Variants in MANEA observed in about 807,000 individuals in gnomAD.
MANEA encodes mannosidase endo-alpha.
A neutral mutation model predicts 36.8 loss-of-function variants in MANEA; 25 were observed. That is an observed-to-expected ratio of 0.68 (90% CI 0.50 to 0.95). The LOEUF is 0.95. Ranked by LOEUF, MANEA falls within the 40% of genes least tolerant of loss-of-function variation. MANEA has a pLI of 0.00. For missense variants in MANEA, 565 were observed against 558.8 expected, an observed-to-expected ratio of 1.01 and a Z score of -0.11; for synonymous variants, 198 against 188.5, an observed-to-expected ratio of 1.05 and a Z score of -0.41.
Position 95,605,977 on chromosome 6 carries a change from T to G in MANEA, c.961T>G (p.Tyr321Asp), listed in dbSNP as rs1200764886. ...DILQSGFDGI[Y>D]TYFATNGFTY... ...TCTTCAAAGTGGTTTTGATGGAATT[T>G]ACACATATTTTGCCACAAATGGCTT... The change falls in exon 5 of 5, where the codon TAC (tyrosine) becomes GAC (aspartate). Residue 321 changes from tyrosine (Y) to aspartate (D), a missense_variant. Coordinates refer to ENST00000358812, the MANE Select transcript of MANEA (RefSeq NM_024641.4). The G allele has an allele frequency of 1.2e-6, 2 of 1,613,940 alleles. No homozygotes were observed. The highest frequency in any genetic ancestry group is 1.3e-5 in the African/African-American group (1 of 74,908).
In MANEA at chr6:95,606,162, T is replaced by G. The variant is rs1453658407; in HGVS notation, c.1146T>G (p.Tyr382Ter). Residue 382 changes from tyrosine to a stop codon, truncating the protein, a stop_gained, in exon 5 of 5, where the codon TAT (tyrosine) becomes TAG (stop). Transcript: ENST00000358812. LOFTEE classifies it high-confidence loss of function. ...GGAACCGAATCAATGGGAAGTATTA[T>G]GAAATTGGTCTGAGTGCCGCACTTC... ...NTRNRINGKY[Y>*]EIGLSAALQT... The G allele has an allele frequency of 6.2e-7, 1 of 1,614,122 alleles. No individual in the cohort carries two copies. Among genetic ancestry groups the G allele is most frequent in the Admixed American group, 1.7e-5 (1 of 60,016 alleles).
intron 2 of MANEA, among the ~76,000 whole-genome samples, chr6:95,591,974 T>C (rs936675142): frequency 1.1e-4 from 17 of 152,332 alleles, no homozygotes; most frequent in Non-Finnish European, 2.4e-4. Flanking sequence ...AGTGCTAGGA[T>C]TACAGGCGTC....
rs368909913 is a variant in MANEA at position 95,585,350 on chromosome 6, C to T, written c.-38-1052C>T. 1.2e-4 allele frequency among the ~76,000 whole-genome samples: 19 copies of T among 152,306 alleles called. No individual in the cohort carries two copies. The South Asian group carries it at 2.3e-3, about 18-fold the overall frequency. On this transcript the variant is annotated intron_variant, in intron 1 of 4. Coordinates refer to ENST00000358812, the MANE Select transcript of MANEA (RefSeq NM_024641.4). Reference sequence around the variant, plus strand: ...TTGGAGACGTTTTCTTGCACTGTCACCCAGGCTGGAGTGCAGTGGCACAAT... The same window carrying T: ...TTGGAGACGTTTTCTTGCACTGTCATCCAGGCTGGAGTGCAGTGGCACAAT...
intron 2 of MANEA, among the ~76,000 whole-genome samples, chr6:95,596,182 G>C (rs1307319698): frequency 6.6e-6 from 1 of 152,048 alleles, no homozygotes; most frequent in East Asian, 1.9e-4. Flanking sequence ...GCAGGGGTGA[G>C]GGGGAGAGGG....
intron 2 of MANEA, among the ~76,000 whole-genome samples, chr6:95,591,992 G>A (rs1041980456): frequency 9.9e-5 from 15 of 152,248 alleles, no homozygotes; most frequent in Non-Finnish European, 1.6e-4. Flanking sequence ...GTCAGCCACC[G>A]TGTCCAGCCT....
chr6:95,577,945 T>C (rs1769101790), intron 1 of MANEA, among the ~76,000 whole-genome samples: 1 of 152,220 alleles, frequency 6.6e-6, no homozygotes, highest in Non-Finnish European at 1.5e-5. Context: ...TTTGAAACGG[T>C]ACCTCCTGTC....
At chr6:95,589,581 A>G (rs1278800714) in intron 2 of MANEA, among the ~76,000 whole-genome samples, 1 of 152,170 alleles carries the variant, frequency 6.6e-6, no homozygotes, top group South Asian at 2.1e-4. Flanking sequence ...TGTATCAGAT[A>G]TATTACAATG....
At chr6:95,604,056 A>AGGGGTGTGTG (rs1318756717) in intron 3 of MANEA, among the ~76,000 whole-genome samples, 2 of 58,600 alleles carry the variant, frequency 3.4e-5, no homozygotes, top group African/African-American at 1.1e-4. Context: ...GTATATATGT[A>AGGGGTGTGTG]TGTAGGTGTG....
At chr6:95,578,620 C>T (rs935313962) in intron 1 of MANEA, among the ~76,000 whole-genome samples, 2 of 152,050 alleles carry the variant, frequency 1.3e-5, no homozygotes, top group Non-Finnish European at 2.9e-5. Flanking sequence ...TGTGGATTTT[C>T]AGGCTCAATG....
intron 2 of MANEA, among the ~76,000 whole-genome samples, chr6:95,588,857 T>C (rs1769334402): frequency 6.6e-6 from 1 of 151,084 alleles, no homozygotes; most frequent in South Asian, 2.1e-4. Context: ...TGTTACACTA[T>C]TTTTGGTATA....
rs546360990 is a variant in MANEA at position 95,604,839 on chromosome 6, A to T, written c.667A>T (p.Ile223Leu). 2.7e-6 allele frequency: 4 copies of T among 1,458,254 alleles called. No homozygotes were observed. In the South Asian group the frequency reaches 5.6e-5, roughly 20 times the overall value. 90.3% of individuals were successfully genotyped at this position (1,458,254 alleles called of 1,614,324 possible). ...TTGTTTGTTTTAGGTTACTTTTCAC[A>T]TAGAACCATATAGCAATCGAGATGA... ...HKYNLKVTFHIEPYSNRDDQN... is the reference protein window; with the variant it reads ...HKYNLKVTFHLEPYSNRDDQN... The change falls in exon 4 of 5, where the codon ATA becomes TTA. Residue 223 changes from isoleucine to leucine, a missense_variant. By Grantham distance (5) the Ile-to-Leu change is conservative. Transcript: ENST00000358812.
At chr6:95,579,996 G>A (rs576511129) in intron 1 of MANEA, among the ~76,000 whole-genome samples, 1 of 152,174 alleles carries the variant, frequency 6.6e-6, no homozygotes, top group South Asian at 2.1e-4. Context: ...TTCTTTTATT[G>A]AAGCTAAATT....
rs1159211686 is a variant in MANEA, at chr6:95,608,469, A to G, written c.*2064A>G. On this transcript the variant is annotated 3_prime_UTR_variant, in exon 5 of 5. Coordinates refer to ENST00000358812, the MANE Select transcript of MANEA (RefSeq NM_024641.4). ...TTCCCATTATAGACATGGTGAATCC[A>G]CACAGCATACTTCATCTCTGAGCTT... The G allele has an allele frequency of 2.0e-5, 3 of 151,842 alleles. No individual in the cohort carries two copies. The highest frequency in any genetic ancestry group is 2.0e-4 in the Admixed American group (3 of 15,230). 9.4% of individuals were successfully genotyped at this position (151,842 alleles called of 1,614,324 possible).
In MANEA at chr6:95,586,894, C is replaced by T; in HGVS notation, c.455C>T (p.Ser152Phe). The T allele has an allele frequency of 6.2e-7, 1 of 1,613,534 alleles. No homozygotes were observed. Among genetic ancestry groups the T allele is most frequent in the Non-Finnish European group, 8.5e-7 (1 of 1,179,556 alleles). ...CACAACCCTCCAGATGACATTGGCTCCAGCTTTTATCCTGAATTGGGAAGT... is the reference window on the plus strand; with the variant it reads ...CACAACCCTCCAGATGACATTGGCTTCAGCTTTTATCCTGAATTGGGAAGT... Reference protein sequence around the residue: ...GRHNPPDDIGSSFYPELGSYS... With the variant: ...GRHNPPDDIGFSFYPELGSYS... Residue 152 changes from serine (S) to phenylalanine (F), a missense_variant, in exon 2 of 5, where the codon TCC (serine) becomes TTC (phenylalanine). By Grantham distance (155) the Ser-to-Phe change is radical (BLOSUM62 -2). Coordinates refer to ENST00000358812, the MANE Select transcript of MANEA (RefSeq NM_024641.4).
chr6:95,605,312 AAG>A (rs1351590477), intron 4 of MANEA, among the ~76,000 whole-genome samples: 1 of 152,166 alleles, frequency 6.6e-6, no homozygotes, highest in African/African-American at 2.4e-5. Context: ...CCTGATCAAA[AAG>A]AATTTATTAA....
chr6:95,577,877 TTTTA>T (rs1409936548), intron 1 of MANEA, among the ~76,000 whole-genome samples: 5 of 152,240 alleles, frequency 3.3e-5, no homozygotes, highest in African/African-American at 7.2e-5. Flanking sequence ...TCTGCGTTAG[TTTTA>T]CTGCCTTTTA....
chr6:95,578,531 G>T (rs987388972), intron 1 of MANEA, among the ~76,000 whole-genome samples: 1 of 152,038 alleles, frequency 6.6e-6, no homozygotes, highest in Non-Finnish European at 1.5e-5. Context: ...ACTGTATCAC[G>T]TTGTTTGCAA....
At chr6:95,595,613 G>A (rs1383931687) in intron 2 of MANEA, among the ~76,000 whole-genome samples, 2 of 151,802 alleles carry the variant, frequency 1.3e-5, no homozygotes, top group Non-Finnish European at 2.9e-5. Context: ...CTTCTCTTTT[G>A]GTACCATTAT....
At chr6:95,596,490 A>G (rs1274893627) in intron 2 of MANEA, among the ~76,000 whole-genome samples, 2 of 152,100 alleles carry the variant, frequency 1.3e-5, no homozygotes, top group African/African-American at 4.8e-5. Flanking sequence ...TTTTTATGTA[A>G]ACCTAAAACT....
Sources: allele counts gnomAD v4.1 joint callset (sites outside exome capture counted in the v4.1 genomes callset), GRCh38; gene constraint gnomAD v4.1.1; transcripts MANE v1.5; gene names NCBI Gene and HGNC (gene_info 2026-07-23, HGNC 2026-07-21).